The following BBS2 variants were observed in gnomAD, a reference collection of about 807,000 sequenced individuals.
The protein encoded by BBS2 is BBSome complex member BBS2.
Under a neutral mutation model 83.0 loss-of-function variants are expected in BBS2, and 62 were observed. That is an observed-to-expected ratio of 0.75 (90% CI 0.61 to 0.92). The LOEUF (loss-of-function observed/expected upper bound fraction) is 0.92, where lower values mean the gene tolerates loss of function less well. Among genes scored for constraint, BBS2 ranks in the 40% least tolerant of loss-of-function variants. The probability of loss-of-function intolerance (pLI) is 0.00; values close to 1 mark genes in which losing one functional copy is unlikely to be tolerated. For missense variants in BBS2, 784 were observed against 901.0 expected, an observed-to-expected ratio of 0.87 and a Z score of 1.66; for synonymous variants, 303 against 326.1, an observed-to-expected ratio of 0.93 and a Z score of 0.76.
At chr16:56,475,370 C>T (rs1963411852) in intron 17 of BBS2, 3 of 800,130 alleles carry the variant, frequency 3.7e-6, no homozygotes, top group Admixed American at 4.2e-5. Context: ...TAAGTTCAAG[C>T]TCATAAGTCA....
intron 13 of BBS2, 54 bp from the exon 14 acceptor site, chr16:56,497,934 A>T (rs1567572652): frequency 6.4e-7 from 1 of 1,574,028 alleles, no homozygotes; most frequent in East Asian, 2.2e-5. Flanking sequence ...AGACAAACTT[A>T]GCTAAAATAG....
intron 1 of BBS2, among the ~76,000 whole-genome samples, chr16:56,516,690 G>A (rs570197823): frequency 4.6e-5 from 7 of 152,158 alleles, no homozygotes; most frequent in South Asian, 2.1e-4. Context: ...CACCATGCCC[G>A]GCCAGAGATT....
In BBS2 at chr16:56,485,593, G is replaced by A. The variant is rs372135700; in HGVS notation, c.2056C>T (p.Arg686Trp). The change falls in exon 16 of 17, where the codon CGG becomes TGG. Residue 686 changes from arginine to tryptophan, a missense_variant. Arg to Trp is a moderately radical substitution (Grantham distance 101, BLOSUM62 -3). Transcript: ENST00000245157. ...AGTGTTATGAAAAGAGACTTACCCC[G>A]CAGACGACCTGCTCTTTGAATTGCT... ...NQAIQRAGRL[R>W]VGKPKNQVIT... is the part of the protein sequence containing the mutation. 2.9e-5 allele frequency: 47 copies of A among 1,613,918 alleles called. No homozygotes were observed. Among genetic ancestry groups the A allele is most frequent in the African/African-American group, 1.1e-4 (8 of 74,908 alleles).
chr16:56,493,903 T>C (rs1319387314), intron 15 of BBS2, among the ~76,000 whole-genome samples: 1 of 152,184 alleles, frequency 6.6e-6, no homozygotes, highest in Non-Finnish European at 1.5e-5. Context: ...TCTTAAATGT[T>C]GTGTCTGTGC....
chr16:56,510,858 C>A lies in BBS2; in HGVS notation c.534+1G>T, dbSNP rs773862084. ...AGAGAGATATCTCCTCCCCCACATA[C>A]CTCTTTCTTTCCATCACCATCAAAG... On this transcript the variant is annotated splice_donor_variant, in intron 4 of 16. Coordinates refer to ENST00000245157, the MANE Select transcript of BBS2 (RefSeq NM_031885.5). LOFTEE classifies it high-confidence loss of function. 21 of 1,613,898 alleles carry A rather than the reference C, an allele frequency of 1.3e-5. No homozygotes were observed. The East Asian group carries it at 4.5e-4, about 34-fold the overall frequency.
chr16:56,515,313 C>G (rs1165717431), intron 1 of BBS2, among the ~76,000 whole-genome samples: 1 of 152,178 alleles, frequency 6.6e-6, no homozygotes, highest in African/African-American at 2.4e-5. Flanking sequence ...ATTCAACTTT[C>G]CTAGACTTCA....
intron 15 of BBS2, among the ~76,000 whole-genome samples, chr16:56,493,212 C>G (rs913098126): frequency 1.7e-4 from 26 of 151,932 alleles, no homozygotes; most frequent in African/African-American, 5.5e-4. Flanking sequence ...TGTGGTGAGA[C>G]CCTGTCTCTA....
In BBS2 at chr16:56,511,218, T is replaced by C; in HGVS notation, c.412A>G (p.Ile138Val). 6.2e-7 allele frequency: 1 copy of C among 1,614,082 alleles called. No homozygotes were observed. Among genetic ancestry groups the C allele is most frequent in the Non-Finnish European group, 8.5e-7 (1 of 1,179,994 alleles). Reference protein sequence around the residue: ...LGDISSPLAIIGGNCALQGFN... With the variant: ...LGDISSPLAIVGGNCALQGFN... ...CCTTGCAGAGCACAATTGCCACCAA[T>C]AATCGCAAGAGGGGAAGAAATGTCT... Residue 138 changes from isoleucine to valine, a missense_variant, in exon 3 of 17, where the codon ATT becomes GTT. Ile to Val is a conservative substitution (Grantham distance 29, BLOSUM62 3). Coordinates refer to ENST00000245157, the MANE Select transcript of BBS2 (RefSeq NM_031885.5).
rs560252855 is a variant in BBS2 at position 56,472,339 on chromosome 16, A to G, written c.*1-1644T>C. On this transcript the variant is annotated intron_variant, in intron 17 of 17. Coordinates refer to the BBS2 transcript ENST00000682047. The stretch of plus-strand genomic sequence containing the variant: ...GAACCTGCAACTTAGGATAAAATCT[A>G]TATGGGCAGCCAAAAGATGCTTTAT... Among the ~76,000 whole-genome samples, 4 of 152,206 alleles carry G rather than the reference A, an allele frequency of 2.6e-5. No individual in the cohort carries two copies. The South Asian group carries it at 8.3e-4, about 31-fold the overall frequency.
chr16:56,489,435 G>A (rs1963876004), intron 15 of BBS2, among the ~76,000 whole-genome samples: 2 of 152,198 alleles, frequency 1.3e-5, no homozygotes, highest in African/African-American at 4.8e-5. Context: ...AGATTCAACT[G>A]TGTACAGAAA....
chr16:56,497,824 T>C lies in BBS2; in HGVS notation c.1716A>G (p.Ala572=), dbSNP rs2144132647. The change falls in exon 14 of 17, where the codon GCA becomes GCG. Residue 572 remains alanine, a synonymous_variant. Coordinates refer to ENST00000245157, the MANE Select transcript of BBS2 (RefSeq NM_031885.5). ...GAAGGTCTTCAATAGCAAAAAATGA[T>C]GCCATTGACTGGATGATATCACCAG... ...DLAGDIIQSM[A]SFFAIEDLQV... is the part of the protein sequence containing the mutation. 3 of 1,612,970 alleles carry C rather than the reference T, an allele frequency of 1.9e-6. No homozygotes were observed. Among genetic ancestry groups the C allele is most frequent in the Non-Finnish European group, 2.5e-6 (3 of 1,179,866 alleles).
chr16:56,474,317 CTTTT>C (rs770427579), intron 17 of BBS2, among the ~76,000 whole-genome samples: 2 of 130,072 alleles, frequency 1.5e-5, no homozygotes, highest in East Asian at 2.2e-4. Flanking sequence ...CAAAATTCAA[CTTTT>C]TTTTTTTTTT....
Position 56,476,123 on chromosome 16 carries a change from T to C in BBS2, c.*1-5428A>G, listed in dbSNP as rs1963463575. 3 of 1,613,886 alleles carry C rather than the reference T, an allele frequency of 1.9e-6. No individual in the cohort carries two copies. The Admixed American group carries it at 5.0e-5, about 27-fold the overall frequency. ...GAGACTCTGAAATTTGTCAAGCATA[T>C]TAACCACCGAAGCCTGGAACAAAAG... On this transcript the variant is annotated intron_variant, in intron 17 of 17. Coordinates refer to the BBS2 transcript ENST00000682047.
chr16:56,503,574 G>A (rs751950565), intron 7 of BBS2, among the ~76,000 whole-genome samples: 21 of 152,084 alleles, frequency 1.4e-4, no homozygotes, highest in Non-Finnish European at 2.5e-4. Context: ...ATAAATGACT[G>A]ATCAGAAACA....
intron 4 of BBS2, among the ~76,000 whole-genome samples, 193 bp from the exon 5 acceptor site, chr16:56,510,227 G>A (rs1964539015): frequency 6.6e-6 from 1 of 152,132 alleles, no homozygotes; most frequent in African/African-American, 2.4e-5. Context: ...GAAGGAACAG[G>A]GGCTACTGCA....
At chr16:56,475,886 A>G (rs1424901617) in intron 17 of BBS2, among the ~76,000 whole-genome samples, 1 of 152,212 alleles carries the variant, frequency 6.6e-6, no homozygotes, top group Non-Finnish European at 1.5e-5. Flanking sequence ...CTTGTTGGAA[A>G]ATGGCTTGAC....
chr16:56,484,900 T>C, intron 16 of BBS2, 33 bp from the exon 17 acceptor site: 1 of 1,509,100 alleles, frequency 6.6e-7, no homozygotes, highest in Non-Finnish European at 9.2e-7. Flanking sequence ...AACCAAAAGA[T>C]TGTTAGACAT....
At chr16:56,501,055 A>C (rs750792953) in intron 10 of BBS2, 30 bp from the exon 11 acceptor site, 3 of 1,612,690 alleles carry the variant, frequency 1.9e-6, no homozygotes, top group South Asian at 2.2e-5. Flanking sequence ...CAGTTTAAGA[A>C]CAACTCCAAC....
In BBS2 at chr16:56,497,330, T is replaced by C. The variant is rs1294349473; in HGVS notation, c.1798-251A>G. The C allele has an allele frequency of 1.5e-5, 8 of 548,264 alleles. No individual in the cohort carries two copies. The South Asian group carries it at 1.6e-4, about 11-fold the overall frequency. 34.0% of individuals were successfully genotyped at this position (548,264 alleles called of 1,614,324 possible). On this transcript the variant is annotated intron_variant, in intron 14 of 16. Coordinates refer to ENST00000245157, the MANE Select transcript of BBS2 (RefSeq NM_031885.5). ...GCACCAGGAGCCCCCACAACACACATATTAATATTTTAGGGATTTGCAGTG... is the reference window on the plus strand; with the variant it reads ...GCACCAGGAGCCCCCACAACACACACATTAATATTTTAGGGATTTGCAGTG...
Sources: gnomAD v4.1 joint callset for allele counts (sites outside exome capture counted in the v4.1 genomes callset) on GRCh38, gnomAD v4.1.1 for gene constraint, MANE v1.5 for transcripts, NCBI Gene and HGNC (gene_info 2026-07-23, HGNC 2026-07-21) for gene names.